Variants in ZNF69 observed in about 807,000 individuals in gnomAD.
ZNF69 encodes the protein zinc finger protein 69.
In ZNF69, 47 loss-of-function variants were observed where a neutral mutation model predicts 50.9. The ratio of observed to expected loss-of-function variants is 0.92; its 90% confidence interval spans 0.73 to 1.18. The LOEUF is 1.18. ZNF69 is among the 50% of genes most tolerant of loss of function. The pLI is 0.00. For synonymous variants in ZNF69, 216 were observed against 223.1 expected (o/e 0.97, Z 0.29); for missense variants, 717 against 675.1 (o/e 1.06, Z -0.69).
the ZNF69 span, among the ~76,000 whole-genome samples, chr19:11,974,073 C>CT: frequency 3.5e-4 from 22 of 62,054 alleles, no homozygotes; most frequent in African/African-American, 7.1e-4. Flanking sequence ...TCTTTCTTTT[C>CT]TTTCTTTCTT....
chr19:11,915,994 G>A (rs1186448934), downstream of ZNF69, among the ~76,000 whole-genome samples: 1 of 152,124 alleles, frequency 6.6e-6, no homozygotes, highest in African/African-American at 2.4e-5. Flanking sequence ...TTGACCATTG[G>A]AGGAGCCCTT....
the ZNF69 span, among the ~76,000 whole-genome samples, chr19:11,960,595 T>G: frequency 1.4e-5 from 2 of 144,538 alleles, no homozygotes; most frequent in African/African-American, 5.7e-5. Flanking sequence ...CGCTCAGCAA[T>G]GAGCGGTTTT....
At chr19:11,910,733 A>G (rs1172186821), downstream of ZNF69, among the ~76,000 whole-genome samples, 1 of 152,226 alleles carries the variant, frequency 6.6e-6, no homozygotes. Flanking sequence ...AAGAAAACCT[A>G]GGCAGTAACA....
the ZNF69 span, among the ~76,000 whole-genome samples, chr19:11,973,855 T>C: frequency 6.6e-6 from 1 of 152,172 alleles, no homozygotes; most frequent in Non-Finnish European, 1.5e-5. Context: ...ATATGTAGGA[T>C]TGAGACTACT....
chr19:11,947,691 G>C, the ZNF69 span: 1 of 1,060,310 alleles, frequency 9.4e-7, no homozygotes, highest in Non-Finnish European at 1.4e-6. Context: ...TTTCTTCTTA[G>C]AATATTTTCT....
In ZNF69 at chr19:11,906,345, G is replaced by A. The variant is rs1379147548; in HGVS notation, c.*247G>A. On this transcript the variant is annotated 3_prime_UTR_variant, in exon 4 of 4. Coordinates refer to ENST00000429654, the MANE Select transcript of ZNF69 (RefSeq NM_001364730.1). The stretch of plus-strand genomic sequence containing the variant: ...AGAGTAGCAGTCCTCCCAGCATGGA[G>A]TTTGAGATCTAAGAATGGACAGTCT... 15 of 1,084,280 alleles carry A rather than the reference G, an allele frequency of 1.4e-5. No individual in the cohort carries two copies. The highest frequency in any genetic ancestry group is 7.0e-5 in the East Asian group (2 of 28,694). The allele number at this position is 1,084,280 out of a possible 1,614,324, so 67.2% of individuals were successfully genotyped here.
chr19:11,951,888 G>A, the ZNF69 span, among the ~76,000 whole-genome samples: 1 of 152,190 alleles, frequency 6.6e-6, no homozygotes, highest in African/African-American at 2.4e-5. Context: ...AAAAGCCTTG[G>A]CCTTGGCCAG....
the ZNF69 span, among the ~76,000 whole-genome samples, chr19:11,936,578 C>G: frequency 6.6e-6 from 1 of 152,080 alleles, no homozygotes. Flanking sequence ...CTTGTAGATT[C>G]TGGATATTAG....
At chr19:11,959,276 A>G in the ZNF69 span, among the ~76,000 whole-genome samples, 1 of 152,228 alleles carries the variant, frequency 6.6e-6, no homozygotes, top group Non-Finnish European at 1.5e-5. Context: ...CCTTTGCAGA[A>G]GGAAATAGTT....
intron 4 of ZNF69, among the ~76,000 whole-genome samples, chr19:11,911,722 T>C (rs931592592): frequency 3.3e-5 from 5 of 152,048 alleles, no homozygotes; most frequent in Non-Finnish European, 5.9e-5. Flanking sequence ...CTAATATGAA[T>C]GACAAGTTAA....
the ZNF69 span, among the ~76,000 whole-genome samples, chr19:11,934,471 C>A: frequency 2.0e-5 from 3 of 148,424 alleles, no homozygotes; most frequent in Non-Finnish European, 4.4e-5. Flanking sequence ...TTAGCTACTG[C>A]ACCAGGTATT....
At chr19:11,974,874 A>T in the ZNF69 span, among the ~76,000 whole-genome samples, 1 of 152,204 alleles carries the variant, frequency 6.6e-6, no homozygotes, top group African/African-American at 2.4e-5. Context: ...AGGTGCTGGG[A>T]TTACAGGCAT....
rs754245457 is a variant in ZNF69 at position 11,904,664 on chromosome 19, G to A, written c.267G>A (p.Lys89=). The A allele has an allele frequency of 3.1e-6, 5 of 1,612,194 alleles. No individual in the cohort carries two copies. Among genetic ancestry groups the A allele is most frequent in the Non-Finnish European group, 2.5e-6 (3 of 1,179,562 alleles). ...TTTTTGACAGGAGTCTCATAGAAAA[G>A]AAAGTCAATGAAATTAAAGATGACA... is the stretch of plus-strand genomic sequence containing the variant. The part of the protein sequence containing the change: ...PRRNFRSLIE[K]KVNEIKDDSH... Residue 89 remains lysine, a synonymous_variant, in exon 4 of 4, where the codon AAG becomes AAA. Coordinates refer to ENST00000429654, the MANE Select transcript of ZNF69 (RefSeq NM_001364730.1).
At chr19:11,925,074 C>A in the ZNF69 span, 2 of 954,136 alleles carry the variant, frequency 2.1e-6, no homozygotes, top group Non-Finnish European at 3.2e-6. Context: ...TGGCACTGCC[C>A]ACAGTTCATC....
In ZNF69 at chr19:11,905,225, T is replaced by C; in HGVS notation, c.828T>C (p.Tyr276=). The change falls in exon 4 of 4, where the codon TAT becomes TAC. Residue 276 remains tyrosine, a synonymous_variant. Transcript: ENST00000429654. The part of the protein sequence containing the change: ...HERTHTGEKP[Y]ECQQCGKAFH... ...GAACTCACACTGGAGAAAAGCCTTA[T>C]GAATGTCAGCAATGTGGGAAAGCAT... The C allele has an allele frequency of 6.2e-7, 1 of 1,614,180 alleles. No individual in the cohort carries two copies. Among genetic ancestry groups the C allele is most frequent in the Non-Finnish European group, 8.5e-7 (1 of 1,180,042 alleles).
intron 1 of ZNF69, among the ~76,000 whole-genome samples, chr19:11,896,282 C>T (rs1271150397): frequency 7.1e-6 from 1 of 140,834 alleles, no homozygotes; most frequent in African/African-American, 2.6e-5. Context: ...TTCCATTGGT[C>T]TATCTTTCCA....
chr19:11,905,695 T>G lies in ZNF69; in HGVS notation c.1298T>G (p.Leu433Trp), dbSNP rs1258015409. The G allele has an allele frequency of 1.2e-6, 2 of 1,612,832 alleles. No individual in the cohort carries two copies. The highest frequency in any genetic ancestry group is 2.7e-5 in the African/African-American group (2 of 74,462). The change falls in exon 4 of 4, where the codon TTG becomes TGG. Residue 433 changes from leucine (L) to tryptophan (W), a missense_variant. By Grantham distance (61) the Leu-to-Trp change is moderately conservative (BLOSUM62 -2). Transcript: ENST00000429654. ...KAFRSSSHLQ[L>W]HGRTHTGEKP... ...TTCAGATCTTCCTCACACCTTCAATTGCATGGTAGGACTCACACTGGAGAG... is the reference window on the plus strand; with the variant it reads ...TTCAGATCTTCCTCACACCTTCAATGGCATGGTAGGACTCACACTGGAGAG...
the ZNF69 span, chr19:11,925,065 G>A: frequency 2.5e-6 from 2 of 809,526 alleles, no homozygotes; most frequent in Non-Finnish European, 3.9e-6. Context: ...GCTGGGGCGT[G>A]GCACTGCCCA....
At chr19:11,944,748 C>T in the ZNF69 span, among the ~76,000 whole-genome samples, 7 of 152,310 alleles carry the variant, frequency 4.6e-5, no homozygotes, top group East Asian at 5.8e-4. Context: ...CCAGCCGGGA[C>T]GGTTGGACCC....
Sources: allele counts gnomAD v4.1 joint callset (sites outside exome capture counted in the v4.1 genomes callset), GRCh38; gene constraint gnomAD v4.1.1; transcripts MANE v1.5; gene names NCBI Gene and HGNC (gene_info 2026-07-23, HGNC 2026-07-21).